Variants in EXT1 observed in about 807,000 individuals in gnomAD.
EXT1 encodes exostosin glycosyltransferase 1, also known as exostosin-1.
EXT1 carries 20 observed loss-of-function variants against 82.5 expected under a neutral mutation model. The observed-to-expected ratio is 0.24, with a 90% CI of 0.17 to 0.35. EXT1 has a LOEUF of 0.35. Among genes scored for constraint, EXT1 ranks in the 10% least tolerant of loss-of-function variants. The pLI is 1.00. For missense variants in EXT1, 757 were observed against 936.5 expected (o/e 0.81, Z 2.50); for synonymous variants, 348 against 350.8 (o/e 0.99, Z 0.09).
intron 1 of EXT1, among the ~76,000 whole-genome samples, chr8:117,858,766 A>AGGCAGGCAGGCAGGCAGGCAGGC (rs1554581731): frequency 5.5e-5 from 3 of 54,676 alleles, no homozygotes; most frequent in Admixed American, 1.8e-4. Context: ...GGAAGGAAGG[A>AGGCAGGCAGGCAGGCAGGCAGGC]AGGCAGGCAG....
chr8:117,810,215 G>A lies in EXT1; in HGVS notation c.1722+2657C>T, dbSNP rs536505851. ...ACTATAATGCCCTTTATAGGATGCTGTTTAAAAATCCATCCTTAATGCTGC... is the reference window on the plus strand; with the variant it reads ...ACTATAATGCCCTTTATAGGATGCTATTTAAAAATCCATCCTTAATGCTGC... On this transcript the variant is annotated intron_variant, in intron 8 of 10. Transcript: ENST00000378204. Among the ~76,000 whole-genome samples the A allele has an allele frequency of 4.4e-4, 67 of 152,290 alleles. 1 individual carries two copies. Among genetic ancestry groups the A allele is most frequent in the African/African-American group, 1.6e-3 (67 of 41,546 alleles).
intron 1 of EXT1, among the ~76,000 whole-genome samples, chr8:118,038,908 T>C (rs1248915401): frequency 2.0e-5 from 3 of 152,230 alleles, no homozygotes; most frequent in Non-Finnish European, 4.4e-5. Context: ...TCTCACAATG[T>C]CTGTTCCTCT....
chr8:117,860,909 T>G (rs1812673300), intron 1 of EXT1, among the ~76,000 whole-genome samples: 1 of 152,248 alleles, frequency 6.6e-6, no homozygotes, highest in African/African-American at 2.4e-5. Flanking sequence ...ACAACTCATC[T>G]CAGATGCTGG....
At chr8:117,852,732 C>T (rs1004883946) in intron 1 of EXT1, among the ~76,000 whole-genome samples, 1 of 152,144 alleles carries the variant, frequency 6.6e-6, no homozygotes, top group Non-Finnish European at 1.5e-5. Flanking sequence ...AGATTCCATT[C>T]ATTCATCCAT....
intron 1 of EXT1, among the ~76,000 whole-genome samples, chr8:118,089,840 G>C (rs1431156451): frequency 6.6e-6 from 1 of 152,150 alleles, no homozygotes; most frequent in African/African-American, 2.4e-5. Flanking sequence ...TGGTGTGCGC[G>C]TGCATGAGTA....
At chr8:117,894,688 C>CAG (rs1344605781) in intron 1 of EXT1, among the ~76,000 whole-genome samples, 1 of 152,134 alleles carries the variant, frequency 6.6e-6, no homozygotes, top group Non-Finnish European at 1.5e-5. Flanking sequence ...CACAACCAGG[C>CAG]CCTGTTTAAA....
chr8:118,101,177 A>G (rs759408403), intron 1 of EXT1, among the ~76,000 whole-genome samples: 1 of 152,196 alleles, frequency 6.6e-6, no homozygotes, highest in Non-Finnish European at 1.5e-5. Context: ...TAACGACCCT[A>G]TGAGACCAGT....
intron 1 of EXT1, among the ~76,000 whole-genome samples, chr8:117,884,352 A>T (rs966929261): frequency 2.6e-5 from 4 of 152,186 alleles, no homozygotes; most frequent in Non-Finnish European, 5.9e-5. Context: ...CTTGGGAAAG[A>T]GTAGAAATCT....
chr8:118,004,239 C>A (rs1001840201), intron 1 of EXT1, among the ~76,000 whole-genome samples: 2 of 152,218 alleles, frequency 1.3e-5, no homozygotes, highest in Admixed American at 6.5e-5. Context: ...GAGGGATTCA[C>A]GTGGCCATGT....
intron 1 of EXT1, among the ~76,000 whole-genome samples, chr8:117,862,641 G>A (rs1812704796): frequency 6.9e-6 from 1 of 145,608 alleles, no homozygotes; most frequent in Non-Finnish European, 1.5e-5. Flanking sequence ...GAATTAGACA[G>A]GAATGGGATG....
At chr8:117,932,376 A>C (rs965385120) in intron 1 of EXT1, among the ~76,000 whole-genome samples, 1 of 152,232 alleles carries the variant, frequency 6.6e-6, no homozygotes. Flanking sequence ...TTGTTCACAG[A>C]AGACTAGTTT....
At chr8:117,865,404 C>G (rs1330720597) in intron 1 of EXT1, among the ~76,000 whole-genome samples, 1 of 152,136 alleles carries the variant, frequency 6.6e-6, no homozygotes, top group African/African-American at 2.4e-5. Flanking sequence ...TACTTTTAAC[C>G]AGTGGTAAAG....
intron 1 of EXT1, among the ~76,000 whole-genome samples, chr8:118,000,488 G>A (rs999004685): frequency 6.6e-6 from 1 of 152,190 alleles, no homozygotes; most frequent in African/African-American, 2.4e-5. Flanking sequence ...CTGTGTAAAC[G>A]AAAGTTGCCC....
chr8:117,995,299 C>T (rs990191752), intron 1 of EXT1, among the ~76,000 whole-genome samples: 1 of 152,158 alleles, frequency 6.6e-6, no homozygotes, highest in African/African-American at 2.4e-5. Flanking sequence ...CATCTTTGTT[C>T]CTCTCTGAGA....
intron 1 of EXT1, among the ~76,000 whole-genome samples, chr8:117,979,072 C>T (rs536386922): frequency 1.3e-4 from 20 of 152,128 alleles, no homozygotes; most frequent in Admixed American, 4.6e-4. Context: ...AGCAAATGCT[C>T]GGCCAGGCAC....
intron 1 of EXT1, among the ~76,000 whole-genome samples, chr8:117,840,195 C>G: frequency 6.6e-6 from 1 of 152,288 alleles, no homozygotes; most frequent in African/African-American, 2.4e-5. Flanking sequence ...TGGTCCCTGA[C>G]CTGTTCCATG....
rs146773512 is a variant in EXT1, at chr8:117,915,601, T to G, written c.963-78400A>C. On this transcript the variant is annotated intron_variant, in intron 1 of 10. Transcript: ENST00000378204. Reference sequence around the variant, plus strand: ...CAGGCACGGTGGCTTATGCCTGTAATCCCAGCACTTTGGGAGACCAAGGCA... The same window carrying G: ...CAGGCACGGTGGCTTATGCCTGTAAGCCCAGCACTTTGGGAGACCAAGGCA... Among the ~76,000 whole-genome samples the G allele has an allele frequency of 8.5e-5, 13 of 152,320 alleles. No individual in the cohort carries two copies. The East Asian group carries it at 2.3e-3, about 27-fold the overall frequency.
chr8:117,812,916 C>A lies in EXT1; in HGVS notation c.1678G>T (p.Ala560Ser), dbSNP rs754680491. 6.2e-7 allele frequency: 1 copy of A among 1,613,808 alleles called. No individual in the cohort carries two copies. The highest frequency in any genetic ancestry group is 1.7e-5 in the Admixed American group (1 of 59,966). Residue 560 changes from alanine to serine, a missense_variant, in exon 8 of 11, where the codon GCC becomes TCC. Around this residue, in one of 4 missense-constraint regions of EXT1, gnomAD observed 207 missense variants for 224.2 expected, o/e 0.92. Transcript: ENST00000378204. ...FLPYDNIITD[A>S]VLSLDEDTVL... is the part of the protein sequence containing the mutation. ...GTGTCCTCGTCAAGGCTGAGCACGG[C>A]GTCTGTGATGATGTTGTCGTAGGGC...
rs1366926662 is a variant in EXT1, at chr8:118,091,210, C to A, written c.962+18875G>T. 4.6e-5 allele frequency among the ~76,000 whole-genome samples: 7 copies of A among 152,280 alleles called. No homozygotes were observed. The East Asian group carries it at 1.3e-3, about 29-fold the overall frequency. ...TAGACAATACGATGCAGCTCAAGTT[C>A]CATAAAGCAGGCTTGTAGGGATATT... is the stretch of plus-strand genomic sequence containing the variant. On this transcript the variant is annotated intron_variant, in intron 1 of 10. Coordinates refer to ENST00000378204, the MANE Select transcript of EXT1 (RefSeq NM_000127.3).
Sources: allele counts gnomAD v4.1 joint callset (sites outside exome capture counted in the v4.1 genomes callset), GRCh38; gene constraint gnomAD v4.1.1; regional missense constraint gnomAD v4.1.1; transcripts MANE v1.5; gene names NCBI Gene and HGNC (gene_info 2026-07-23, HGNC 2026-07-21).